EYS: variants seen among roughly 807,000 people sequenced by gnomAD.
EYS encodes EGF-like photoreceptor maintenance factor, also known as protein eyes shut homolog.
A neutral mutation model predicts 282.1 loss-of-function variants in EYS; 250 were observed. The observed-to-expected ratio is 0.89, with a 90% CI of 0.80 to 0.98. The LOEUF (loss-of-function observed/expected upper bound fraction) is 0.98. EYS is among the 50% of genes least tolerant of loss of function. The pLI is 0.00. For missense variants in EYS, 4,016 were observed against 3,709.0 expected (o/e 1.08, Z -2.15); for synonymous variants, 1,355 against 1,282.9 (o/e 1.06, Z -1.20).
intron 12 of EYS, among the ~76,000 whole-genome samples, chr6:65,060,772 A>C (rs1773550045): frequency 7.8e-6 from 1 of 127,394 alleles, no homozygotes; most frequent in South Asian, 2.4e-4. Flanking sequence ...ATACATGTGT[A>C]TATATATGTG....
At chr6:64,476,569 G>GA (rs980894341) in intron 26 of EYS, among the ~76,000 whole-genome samples, 1 of 151,688 alleles carries the variant, frequency 6.6e-6, no homozygotes, top group Non-Finnish European at 1.5e-5. Context: ...TCTATTAATT[G>GA]AAAAAAGGTG....
At chr6:64,743,860 T>C (rs1446817097) in intron 22 of EYS, among the ~76,000 whole-genome samples, 1 of 152,124 alleles carries the variant, frequency 6.6e-6, no homozygotes, top group Non-Finnish European at 1.5e-5. Flanking sequence ...GGGGAAATGA[T>C]ACCAAAGTAC....
At chr6:65,072,428 GTC>G (rs1773928293) in intron 12 of EYS, among the ~76,000 whole-genome samples, 1 of 151,774 alleles carries the variant, frequency 6.6e-6, no homozygotes, top group Non-Finnish European at 1.5e-5. Flanking sequence ...CCTGAATTAT[GTC>G]TCTTTCTAAA....
chr6:64,932,979 C>G (rs1768776568), intron 15 of EYS, among the ~76,000 whole-genome samples: 1 of 151,924 alleles, frequency 6.6e-6, no homozygotes, highest in Non-Finnish European at 1.5e-5. Flanking sequence ...TTTAAAATGT[C>G]AAGTTACCAG....
chr6:65,461,324 A>G (rs576226424), intron 5 of EYS, among the ~76,000 whole-genome samples: 5 of 152,244 alleles, frequency 3.3e-5, no homozygotes, highest in African/African-American at 1.2e-4. Context: ...TTACATATCT[A>G]GGAAAACTTC....
At chr6:65,470,121 G>T (rs1006474250) in intron 5 of EYS, among the ~76,000 whole-genome samples, 2 of 152,114 alleles carry the variant, frequency 1.3e-5, no homozygotes, top group African/African-American at 4.8e-5. Flanking sequence ...AAGAGTATAT[G>T]CCAGCAATTA....
intron 33 of EYS, among the ~76,000 whole-genome samples, chr6:64,049,858 A>G (rs1004318907): frequency 6.6e-6 from 1 of 152,106 alleles, no homozygotes; most frequent in African/African-American, 2.4e-5. Context: ...TAGTCATAAA[A>G]ACGGGGTTCA....
At chr6:64,968,308 T>C (rs532199467) in intron 14 of EYS, among the ~76,000 whole-genome samples, 22 of 152,340 alleles carry the variant, frequency 1.4e-4, no homozygotes, top group African/African-American at 5.0e-4. Context: ...GCAGTTGTTC[T>C]ATAAATTTTC....
At chr6:64,793,741 A>C (rs1177342467) in intron 22 of EYS, among the ~76,000 whole-genome samples, 2 of 152,184 alleles carry the variant, frequency 1.3e-5, no homozygotes, top group Admixed American at 1.3e-4. Context: ...TTATTACATA[A>C]GTTGAAATTT....
chr6:65,357,658 T>C (rs971848727), intron 8 of EYS, among the ~76,000 whole-genome samples: 4 of 152,020 alleles, frequency 2.6e-5, no homozygotes, highest in Middle Eastern at 3.2e-3. Context: ...AATACTATTA[T>C]GAAAAAATAT....
intron 22 of EYS, among the ~76,000 whole-genome samples, chr6:64,707,200 T>C (rs1771051214): frequency 6.6e-6 from 1 of 152,096 alleles, no homozygotes; most frequent in Admixed American, 6.6e-5. Context: ...TTCAGCAATC[T>C]GAATAGAATT....
chr6:64,129,452 C>G (rs966631376), intron 31 of EYS, among the ~76,000 whole-genome samples: 1 of 152,130 alleles, frequency 6.6e-6, no homozygotes, highest in African/African-American at 2.4e-5. Flanking sequence ...CTGTTCATAT[C>G]CTTTGCCCAC....
intron 12 of EYS, among the ~76,000 whole-genome samples, chr6:65,134,606 G>T (rs1174566478): frequency 2.0e-5 from 3 of 152,004 alleles, no homozygotes; most frequent in Admixed American, 6.6e-5. Flanking sequence ...CTCCTTGAGG[G>T]CGGGGTGTGG....
intron 15 of EYS, among the ~76,000 whole-genome samples, chr6:64,927,164 A>G (rs1034979372): frequency 2.0e-5 from 3 of 152,210 alleles, no homozygotes; most frequent in Admixed American, 6.5e-5. Flanking sequence ...AAAAAAAAGG[A>G]TTATTAGCTC....
rs113634076 is a variant in EYS, at chr6:65,412,715, T to A, written c.863-7348A>T. On this transcript the variant is annotated intron_variant, in intron 5 of 42. Coordinates refer to ENST00000503581, the MANE Select transcript of EYS (RefSeq NM_001142800.2). ...CATGGTATTGAGTTTTGAGATGACT[T>A]TCTGTTATCTATATATGAGTCCTTT... is the stretch of plus-strand genomic sequence containing the variant. Among the ~76,000 whole-genome samples the A allele has an allele frequency of 2.8e-3, 419 of 152,256 alleles. 1 individual carries two copies. The highest frequency in any genetic ancestry group is 9.6e-3 in the African/African-American group (399 of 41,564).
At chr6:64,413,187 A>G (rs944413366) in intron 28 of EYS, among the ~76,000 whole-genome samples, 1 of 152,086 alleles carries the variant, frequency 6.6e-6, no homozygotes, top group Non-Finnish European at 1.5e-5. Flanking sequence ...CTACTCTGCC[A>G]TAGTTTTGGC....
intron 2 of EYS, among the ~76,000 whole-genome samples, chr6:65,499,950 C>A (rs1390965327): frequency 1.3e-5 from 2 of 151,454 alleles, no homozygotes; most frequent in Admixed American, 6.6e-5. Flanking sequence ...ATAGTCATGG[C>A]CCCATTTTAA....
chr6:64,211,495 C>T (rs1765763226), intron 31 of EYS, among the ~76,000 whole-genome samples: 1 of 151,290 alleles, frequency 6.6e-6, no homozygotes. Flanking sequence ...TCTGTTTTCA[C>T]CCTTATGTGA....
chr6:65,352,973 G>A (rs1764343513), intron 9 of EYS, among the ~76,000 whole-genome samples: 1 of 151,754 alleles, frequency 6.6e-6, no homozygotes, highest in African/African-American at 2.4e-5. Context: ...TCTCTGCCAT[G>A]ACATTATTCT....
Sources: gnomAD v4.1 joint callset for allele counts (sites outside exome capture counted in the v4.1 genomes callset) on GRCh38, gnomAD v4.1.1 for gene constraint, MANE v1.5 for transcripts, NCBI Gene and HGNC (gene_info 2026-07-23, HGNC 2026-07-21) for gene names.